Variants in KCNK10 observed in about 807,000 individuals in gnomAD.
KCNK10 encodes the protein potassium channel subfamily K member 10.
A neutral mutation model predicts 47.7 loss-of-function variants in KCNK10; 25 were observed. The observed-to-expected ratio is 0.52, with a 90% CI of 0.38 to 0.73. The LOEUF is 0.73. Ranked by LOEUF, KCNK10 falls within the 30% of genes least tolerant of loss-of-function variation. KCNK10 has a pLI of 0.00. For synonymous variants in KCNK10, 303 were observed against 285.6 expected (o/e 1.06, Z -0.61); for missense variants, 563 against 714.5 (o/e 0.79, Z 2.42).
chr14:88,227,285 A>G, intron 4 of KCNK10, 90 bp downstream of exon 4: 1 of 1,044,640 alleles, frequency 9.6e-7, no homozygotes. Flanking sequence ...TTAAAAGCAG[A>G]CAATGCCCCT....
chr14:88,190,986 C>G (rs569659597), intron 5 of KCNK10, among the ~76,000 whole-genome samples: 49 of 152,286 alleles, frequency 3.2e-4, no homozygotes, highest in Middle Eastern at 3.4e-3. Flanking sequence ...GTGGCTCACA[C>G]CTGTAATCCC....
intron 1 of KCNK10, among the ~76,000 whole-genome samples, chr14:88,310,673 A>T (rs1888309781): frequency 6.6e-6 from 1 of 152,340 alleles, no homozygotes; most frequent in Non-Finnish European, 1.5e-5. Flanking sequence ...GCACATCAGA[A>T]GCTTTCATTA....
At chr14:88,213,921 TTTA>T (rs35954048) in intron 4 of KCNK10, among the ~76,000 whole-genome samples, 5,118 of 126,364 alleles carry the variant, frequency 0.041, 184 homozygotes, top group African/African-American at 0.099. Flanking sequence ...TTTATTTTAC[TTTA>T]TTATTATTAT....
chr14:88,309,438 C>CA (rs922789364), intron 1 of KCNK10, among the ~76,000 whole-genome samples: 2 of 152,020 alleles, frequency 1.3e-5, no homozygotes, highest in African/African-American at 4.8e-5. Flanking sequence ...CCCGTCTCTA[C>CA]AAAAAATGCA....
At chr14:88,270,818 C>G in intron 1 of KCNK10, 1 of 781,068 alleles carries the variant, frequency 1.3e-6, no homozygotes, top group Non-Finnish European at 2.4e-6. Flanking sequence ...GTGTGTCACT[C>G]TCTCAGGTGT....
At chr14:88,239,582 G>A (rs1449982474) in intron 3 of KCNK10, among the ~76,000 whole-genome samples, 1 of 152,210 alleles carries the variant, frequency 6.6e-6, no homozygotes, top group Non-Finnish European at 1.5e-5. Context: ...CCCTAGGCCA[G>A]GTGCGGTGGC....
chr14:88,200,930 T>C (rs1312809176), intron 4 of KCNK10, among the ~76,000 whole-genome samples: 2 of 152,220 alleles, frequency 1.3e-5, no homozygotes, highest in Non-Finnish European at 2.9e-5. Flanking sequence ...AAAAGGGACC[T>C]CATGACACTG....
At chr14:88,188,546 C>T (rs1034128401) in intron 5 of KCNK10, among the ~76,000 whole-genome samples, 10 of 152,204 alleles carry the variant, frequency 6.6e-5, no homozygotes, top group African/African-American at 2.4e-4. Context: ...CCATTTCCAT[C>T]TTAAGCACCC....
At chr14:88,297,525 G>T (rs1888010352) in intron 1 of KCNK10, among the ~76,000 whole-genome samples, 1 of 152,146 alleles carries the variant, frequency 6.6e-6, no homozygotes, top group Admixed American at 6.6e-5. Flanking sequence ...CAGCGTTGGT[G>T]GTTTTGATAA....
chr14:88,226,976 G>A (rs1259037011), intron 4 of KCNK10, among the ~76,000 whole-genome samples: 1 of 152,204 alleles, frequency 6.6e-6, no homozygotes, highest in Non-Finnish European at 1.5e-5. Flanking sequence ...TAAAGACACT[G>A]TGCTTGAAAA....
At chr14:88,255,298 G>A (rs1319801483) in intron 2 of KCNK10, among the ~76,000 whole-genome samples, 6 of 152,106 alleles carry the variant, frequency 3.9e-5, no homozygotes, top group Admixed American at 3.9e-4. Flanking sequence ...TGGCTTCCCA[G>A]GGCTCAAATC....
chr14:88,307,373 T>C (rs958131497), intron 1 of KCNK10, among the ~76,000 whole-genome samples: 16 of 151,240 alleles, frequency 1.1e-4, no homozygotes, highest in Non-Finnish European at 2.4e-4. Context: ...CTACCTGTTG[T>C]ATGATGCCAT....
Position 88,303,784 on chromosome 14 carries a change from CT to C in KCNK10, c.52+18962del, listed in dbSNP as rs563692678. ...ATGAAGTTGTTTCGACCAATTGCTT[CT>C]TTTTTTTATCAATGATGTATGAGGT... is the stretch of plus-strand genomic sequence containing the variant. On this transcript the variant is annotated intron_variant, in intron 1 of 6. Transcript: ENST00000319231. 1.7e-3 allele frequency among the ~76,000 whole-genome samples: 255 copies of C among 152,132 alleles called. 2 individuals are homozygous for C. The highest frequency in any genetic ancestry group is 5.8e-3 in the African/African-American group (241 of 41,510).
intron 3 of KCNK10, among the ~76,000 whole-genome samples, chr14:88,233,826 T>G (rs1423924942): frequency 6.6e-6 from 1 of 152,216 alleles, no homozygotes; most frequent in Non-Finnish European, 1.5e-5. Context: ...GTAGCCATAG[T>G]GTTTTTCAAT....
intron 1 of KCNK10, among the ~76,000 whole-genome samples, chr14:88,304,533 C>G (rs1017125451): frequency 1.3e-5 from 2 of 152,228 alleles, no homozygotes; most frequent in African/African-American, 4.8e-5. Context: ...GTTTGAGTCA[C>G]CCGATGCACA....
chr14:88,187,636 C>CCG (rs372780010), intron 6 of KCNK10, among the ~76,000 whole-genome samples: 10 of 150,304 alleles, frequency 6.7e-5, no homozygotes, highest in Middle Eastern at 6.8e-3. Flanking sequence ...CCCCCCCACA[C>CCG]ACACACTCAG....
At chr14:88,311,392 C>T (rs193104924) in intron 1 of KCNK10, among the ~76,000 whole-genome samples, 13 of 152,266 alleles carry the variant, frequency 8.5e-5, no homozygotes, top group Middle Eastern at 3.4e-3. Flanking sequence ...ACCTGAGCAT[C>T]ACCCACCTCT....
intron 4 of KCNK10, among the ~76,000 whole-genome samples, chr14:88,203,072 T>C (rs527417757): frequency 1.1e-3 from 172 of 152,254 alleles, no homozygotes; most frequent in African/African-American, 3.6e-3. Context: ...TTGGATGTTA[T>C]ATAAAGAAAC....
At position 88,186,198 on chromosome 14, in the gene KCNK10, T is replaced by G; in HGVS notation, c.1012-43A>C. 6.5e-7 allele frequency: 1 copy of G among 1,528,264 alleles called. No homozygotes were observed. Among genetic ancestry groups the G allele is most frequent in the Non-Finnish European group, 8.8e-7 (1 of 1,136,692 alleles). 94.7% of individuals were successfully genotyped at this position (1,528,264 alleles called of 1,614,324 possible). A position where few individuals can be genotyped will look rare whatever the true frequency, so the allele number is the denominator to read the frequency against. Reference sequence around the variant, plus strand: ...GAGCAACAATATGCTGACAAATGCCTCCCTGCCTTGGCCTCCCAGCACCCA... The same window carrying G: ...GAGCAACAATATGCTGACAAATGCCGCCCTGCCTTGGCCTCCCAGCACCCA... On this transcript the variant is annotated intron_variant, in intron 6 of 6. Transcript: ENST00000319231. The surrounding 1 kb of genome is among the most constrained non-coding windows in gnomAD (Gnocchi z 5.5).
Sources: gnomAD v4.1 joint callset for allele counts (sites outside exome capture counted in the v4.1 genomes callset) on GRCh38, gnomAD v4.1.1 for gene constraint, Gnocchi (gnomAD v3.1) non-coding constraint, MANE v1.5 for transcripts, NCBI Gene and HGNC (gene_info 2026-07-23, HGNC 2026-07-21) for gene names.